Variants in NRXN3 observed in about 807,000 individuals in gnomAD.
The protein encoded by NRXN3 is neurexin III.
NRXN3 carries 32 observed loss-of-function variants against 137.6 expected under a neutral mutation model. The observed-to-expected ratio is 0.23, with a 90% CI of 0.18 to 0.31. NRXN3 has a LOEUF of 0.31. NRXN3 is among the 10% of genes least tolerant of loss of function. NRXN3 has a pLI of 1.00. For missense variants in NRXN3, 1,574 were observed against 2,062.5 expected (o/e 0.76, Z 4.59); for synonymous variants, 798 against 784.5 (o/e 1.02, Z -0.29).
At chr14:79,488,505 G>A (rs1395317280) in intron 16 of NRXN3, among the ~76,000 whole-genome samples, 12 of 152,114 alleles carry the variant, frequency 7.9e-5, no homozygotes, top group Non-Finnish European at 1.5e-4. Context: ...AATTGACAAC[G>A]CATGGGAGCA....
At chr14:79,232,897 G>A (rs747409650) in intron 15 of NRXN3, among the ~76,000 whole-genome samples, 1 of 152,156 alleles carries the variant, frequency 6.6e-6, no homozygotes, top group African/African-American at 2.4e-5. Context: ...AATGTGCTAT[G>A]TATAATTGTT....
intron 4 of NRXN3, among the ~76,000 whole-genome samples, chr14:78,329,992 G>T (rs1040236972): frequency 2.0e-5 from 3 of 152,168 alleles, no homozygotes; most frequent in African/African-American, 7.2e-5. Context: ...CAAAACAGCA[G>T]ATGCTCCCAG....
chr14:79,789,281 A>G (rs1328156949), intron 19 of NRXN3, among the ~76,000 whole-genome samples: 4 of 152,074 alleles, frequency 2.6e-5, no homozygotes, highest in African/African-American at 9.7e-5. Context: ...GGGAAGTAGG[A>G]ATGAAAACTG....
At chr14:79,663,001 C>A (rs2098541494) in intron 16 of NRXN3, among the ~76,000 whole-genome samples, 1 of 152,134 alleles carries the variant, frequency 6.6e-6, no homozygotes, top group African/African-American at 2.4e-5. Flanking sequence ...TTATCTAATT[C>A]ATTGCAATTT....
chr14:78,881,552 C>G (rs904625013), intron 10 of NRXN3, among the ~76,000 whole-genome samples: 11 of 151,258 alleles, frequency 7.3e-5, no homozygotes, highest in African/African-American at 2.5e-4. Flanking sequence ...TGCCCCTGCT[C>G]TAGAGATCTG....
intron 17 of NRXN3, among the ~76,000 whole-genome samples, chr14:79,686,255 A>T (rs1414587433): frequency 6.6e-6 from 1 of 152,070 alleles, no homozygotes; most frequent in East Asian, 1.9e-4. Flanking sequence ...AAAAAAAAAG[A>T]TAGTTGGACA....
chr14:79,844,275 C>T (rs2099362363), intron 20 of NRXN3, among the ~76,000 whole-genome samples: 1 of 151,328 alleles, frequency 6.6e-6, no homozygotes, highest in South Asian at 2.1e-4. Flanking sequence ...TTGCATTAAA[C>T]TTCCTCCCAC....
intron 6 of NRXN3, among the ~76,000 whole-genome samples, chr14:78,680,820 C>T (rs555587482): frequency 1.7e-4 from 26 of 152,288 alleles, no homozygotes; most frequent in African/African-American, 6.0e-4. Flanking sequence ...GTTGTCTGGT[C>T]TACCTCCTGA....
At chr14:79,693,966 T>C (rs1387424455) in intron 18 of NRXN3, among the ~76,000 whole-genome samples, 1 of 151,978 alleles carries the variant, frequency 6.6e-6, no homozygotes, top group Non-Finnish European at 1.5e-5. Flanking sequence ...TTCTATTGTC[T>C]TACCTCTTCC....
At chr14:79,761,093 A>G (rs1448616815) in intron 19 of NRXN3, among the ~76,000 whole-genome samples, 1 of 151,744 alleles carries the variant, frequency 6.6e-6, no homozygotes, top group East Asian at 1.9e-4. Context: ...CCCTCTGGAG[A>G]TGTAATAGAA....
At chr14:79,688,540 A>C (rs927633968) in intron 17 of NRXN3, among the ~76,000 whole-genome samples, 11 of 152,302 alleles carry the variant, frequency 7.2e-5, no homozygotes, top group Admixed American at 7.2e-4. Context: ...ACTGTTAATA[A>C]ATTTCGAGTC....
rs149778844 is a variant in NRXN3 at position 79,001,468 on chromosome 14, C to G, written c.3262+13327C>G. 5.1e-3 allele frequency among the ~76,000 whole-genome samples: 772 copies of G among 152,286 alleles called. 3 individuals are homozygous for G. The highest frequency in any genetic ancestry group is 0.01 in the Middle Eastern group (3 of 294). ...TTGAATATTCATGGCTTTCTATATT[C>G]TAATAAGGTCAGGTTTCTCGCTGTC... On this transcript the variant is annotated intron_variant, in intron 15 of 20. Transcript: ENST00000335750.
At chr14:79,651,386 A>G (rs1328809541) in intron 16 of NRXN3, among the ~76,000 whole-genome samples, 1 of 152,214 alleles carries the variant, frequency 6.6e-6, no homozygotes, top group African/African-American at 2.4e-5. Context: ...GAGATATTGC[A>G]CTATGCACTT....
intron 15 of NRXN3, among the ~76,000 whole-genome samples, chr14:79,262,583 CAAG>C (rs1190589595): frequency 1.3e-5 from 2 of 151,844 alleles, no homozygotes; most frequent in East Asian, 1.9e-4. Flanking sequence ...AGAAGAATAA[CAAG>C]AAGGAGAAGA....
intron 16 of NRXN3, among the ~76,000 whole-genome samples, chr14:79,539,491 A>G (rs1488956624): frequency 6.6e-6 from 1 of 152,188 alleles, no homozygotes; most frequent in Non-Finnish European, 1.5e-5. Flanking sequence ...GGACAGGGCA[A>G]TGTCTATATA....
chr14:78,556,121 C>T (rs2096734477), intron 4 of NRXN3, among the ~76,000 whole-genome samples: 3 of 152,202 alleles, frequency 2.0e-5, no homozygotes, highest in African/African-American at 7.2e-5. Context: ...AGAGGTGGTT[C>T]AGACCATTTT....
In NRXN3 at chr14:79,180,643, T is replaced by C. The variant is rs528602468; in HGVS notation, c.3262+192502T>C. On this transcript the variant is annotated intron_variant, in intron 15 of 20. Coordinates refer to ENST00000335750, the MANE Select transcript of NRXN3 (RefSeq NM_001330195.2). ...TTTATATAACAGAGACTTTAATGGA[T>C]TTACTTGCTGAGTTTAGTTCATATC... Among the ~76,000 whole-genome samples, 10 of 152,268 alleles carry C rather than the reference T, an allele frequency of 6.6e-5. No individual in the cohort carries two copies. In the South Asian group the frequency reaches 2.1e-3, roughly 32 times the overall value.
chr14:78,616,861 G>T (rs374600594), intron 4 of NRXN3, among the ~76,000 whole-genome samples: 1 of 152,266 alleles, frequency 6.6e-6, no homozygotes, highest in South Asian at 2.1e-4. Context: ...TTGAATACAT[G>T]AATTAATATG....
intron 16 of NRXN3, among the ~76,000 whole-genome samples, chr14:79,635,582 C>T (rs2153948601): frequency 6.6e-6 from 1 of 152,298 alleles, no homozygotes; most frequent in East Asian, 1.9e-4. Context: ...TAGAATCCTT[C>T]CTTGCCTCTT....
Sources: allele counts gnomAD v4.1 joint callset (sites outside exome capture counted in the v4.1 genomes callset), GRCh38; gene constraint gnomAD v4.1.1; transcripts MANE v1.5; gene names NCBI Gene and HGNC (gene_info 2026-07-23, HGNC 2026-07-21).